Variants in IMMP2L observed in about 807,000 individuals in gnomAD.
IMMP2L encodes inner mitochondrial membrane peptidase subunit 2, also known as mitochondrial inner membrane protease subunit 2.
IMMP2L carries 18 observed loss-of-function variants against 19.3 expected under a neutral mutation model. The observed-to-expected ratio is 0.93, with a 90% CI of 0.64 to 1.38. The LOEUF (loss-of-function observed/expected upper bound fraction) is 1.38, where lower values mean the gene tolerates loss of function less well. Ranked by LOEUF, IMMP2L falls within the 40% of genes most tolerant of loss-of-function variation. The pLI is 0.00. For missense variants in IMMP2L, 233 were observed against 218.2 expected, an observed-to-expected ratio of 1.07 and a Z score of -0.43; for synonymous variants, 76 against 73.0, an observed-to-expected ratio of 1.04 and a Z score of -0.21.
chr7:111,397,075 G>C (rs557393230), intron 3 of IMMP2L, among the ~76,000 whole-genome samples: 1 of 151,176 alleles, frequency 6.6e-6, no homozygotes, highest in African/African-American at 2.4e-5. Context: ...GCAACAGAGC[G>C]AGACTCTATC....
At position 111,511,544 on chromosome 7, in the gene IMMP2L, G is replaced by T. The variant is rs532590664; in HGVS notation, c.135+9769C>A. Among the ~76,000 whole-genome samples the T allele has an allele frequency of 4.6e-5, 7 of 151,796 alleles. No homozygotes were observed. In the South Asian group the frequency reaches 1.3e-3, roughly 27 times the overall value. ...CAAGCCTGTAATCCCAGCTACTCAG[G>T]GGGCTGAGGCACAAGAATGTCTTGA... is the stretch of plus-strand genomic sequence containing the variant. On this transcript the variant is annotated intron_variant, in intron 2 of 5. Transcript: ENST00000405709.
chr7:110,795,443 A>G (rs1314304448), intron 5 of IMMP2L, among the ~76,000 whole-genome samples: 3 of 152,088 alleles, frequency 2.0e-5, no homozygotes, highest in Non-Finnish European at 4.4e-5. Flanking sequence ...TCTTTCCTAT[A>G]TCAGTAATAA....
In IMMP2L at chr7:110,663,626, T is replaced by C. The variant is rs1791220941; in HGVS notation, c.504A>G (p.Leu168=). ...GTCATTCCTCTTCTCTCTGTACTGG[T>C]AAGCGCTCTGGAGGAAGAACAGATT... is the stretch of plus-strand genomic sequence containing the variant. ...KLESVLPPER[L]PVQREEE is the part of the protein sequence containing the mutation. The change falls in exon 6 of 6, where the codon TTA becomes TTG. Residue 168 remains leucine, a synonymous_variant. Coordinates refer to ENST00000405709, the MANE Select transcript of IMMP2L (RefSeq NM_032549.4). The C allele has an allele frequency of 3.7e-6, 6 of 1,613,372 alleles. No homozygotes were observed. Among genetic ancestry groups the C allele is most frequent in the African/African-American group, 1.3e-5 (1 of 75,018 alleles).
At chr7:111,539,261 A>G (rs866549939) in intron 1 of IMMP2L, among the ~76,000 whole-genome samples, 4 of 146,080 alleles carry the variant, frequency 2.7e-5, no homozygotes, top group African/African-American at 7.6e-5. Flanking sequence ...AAAGAAAGAA[A>G]GAAAGAAAGA....
chr7:111,480,297 G>A (rs989075978), intron 3 of IMMP2L, among the ~76,000 whole-genome samples: 7 of 151,496 alleles, frequency 4.6e-5, no homozygotes, highest in Admixed American at 3.3e-4. Context: ...AGCCAGGATG[G>A]TCTCCATCTC....
chr7:111,367,498 C>G (rs1254505680), intron 3 of IMMP2L, among the ~76,000 whole-genome samples: 1 of 150,520 alleles, frequency 6.6e-6, no homozygotes, highest in Non-Finnish European at 1.5e-5. Context: ...TTTAACACAA[C>G]ATGTAGTACA....
chr7:111,402,540 G>A (rs1019820801), intron 3 of IMMP2L, among the ~76,000 whole-genome samples: 1 of 151,834 alleles, frequency 6.6e-6, no homozygotes, highest in East Asian at 2.0e-4. Flanking sequence ...GTGAAACCCC[G>A]TCTCTAATAA....
intron 3 of IMMP2L, among the ~76,000 whole-genome samples, chr7:111,129,128 T>C (rs764623607): frequency 1.3e-4 from 20 of 151,830 alleles, no homozygotes; most frequent in Admixed American, 5.9e-4. Flanking sequence ...TAAAAACAAC[T>C]AAAAAGTTTA....
At chr7:110,704,305 T>C (rs748906393) in intron 5 of IMMP2L, among the ~76,000 whole-genome samples, 11 of 152,194 alleles carry the variant, frequency 7.2e-5, no homozygotes, top group Admixed American at 2.0e-4. Flanking sequence ...TGAGCCTAAG[T>C]TACTTTAGGT....
chr7:111,447,714 C>G (rs1838648924), intron 3 of IMMP2L, among the ~76,000 whole-genome samples: 1 of 151,390 alleles, frequency 6.6e-6, no homozygotes, highest in Non-Finnish European at 1.5e-5. Flanking sequence ...ACAATATTAA[C>G]TTTAAATGTA....
chr7:111,470,725 G>A (rs1373892761), intron 3 of IMMP2L, among the ~76,000 whole-genome samples: 1 of 137,736 alleles, frequency 7.3e-6, no homozygotes, highest in Non-Finnish European at 1.6e-5. Context: ...GGACTGTTGT[G>A]GGGTGGGGGG....
At chr7:110,716,515 A>G (rs574554472) in intron 5 of IMMP2L, among the ~76,000 whole-genome samples, 2 of 152,260 alleles carry the variant, frequency 1.3e-5, no homozygotes, top group South Asian at 4.1e-4. Context: ...ATTCCCTTGC[A>G]CTTGCTTTTC....
At chr7:111,367,430 C>A (rs1333995560) in intron 3 of IMMP2L, among the ~76,000 whole-genome samples, 1 of 151,178 alleles carries the variant, frequency 6.6e-6, no homozygotes, top group East Asian at 1.9e-4. Context: ...TAGTTAGTTA[C>A]CTTCATTCTT....
chr7:111,133,696 T>C (rs1459290977), intron 3 of IMMP2L, among the ~76,000 whole-genome samples: 3 of 152,038 alleles, frequency 2.0e-5, no homozygotes, highest in Non-Finnish European at 4.4e-5. Context: ...TAACTCCCTA[T>C]GTAGTCTAGC....
chr7:110,874,050 ATAGGG>A (rs1490188368), intron 5 of IMMP2L, among the ~76,000 whole-genome samples: 1 of 152,058 alleles, frequency 6.6e-6, no homozygotes, highest in Non-Finnish European at 1.5e-5. Context: ...GAAAGAATAT[ATAGGG>A]TATTTTTTTG....
At chr7:111,403,454 T>C (rs534362216) in intron 3 of IMMP2L, among the ~76,000 whole-genome samples, 38 of 151,870 alleles carry the variant, frequency 2.5e-4, no homozygotes, top group Admixed American at 2.2e-3. Flanking sequence ...CAGGTATATA[T>C]ATATATATAT....
intron 3 of IMMP2L, among the ~76,000 whole-genome samples, chr7:111,205,641 TA>T (rs1810618881): frequency 6.6e-6 from 1 of 151,964 alleles, no homozygotes; most frequent in African/African-American, 2.4e-5. Context: ...AAACATTAAA[TA>T]AAAATTAATA....
At chr7:110,913,017 A>C (rs1220859538) in intron 4 of IMMP2L, among the ~76,000 whole-genome samples, 1 of 152,158 alleles carries the variant, frequency 6.6e-6, no homozygotes, top group Non-Finnish European at 1.5e-5. Flanking sequence ...AGATGAGTGA[A>C]GAGTAGTCAA....
intron 2 of IMMP2L, among the ~76,000 whole-genome samples, chr7:111,501,572 A>G (rs1844261843): frequency 6.6e-6 from 1 of 152,196 alleles, no homozygotes. Context: ...GCAGCCAGAG[A>G]GAAAGGTCGG....
Sources: allele counts gnomAD v4.1 joint callset (sites outside exome capture counted in the v4.1 genomes callset), GRCh38; gene constraint gnomAD v4.1.1; transcripts MANE v1.5; gene names NCBI Gene and HGNC (gene_info 2026-07-23, HGNC 2026-07-21).